The following ZNF735 variants were observed in gnomAD, a reference collection of about 807,000 sequenced individuals.
ZNF735 encodes the protein putative zinc finger protein 735.
A neutral mutation model predicts 13.4 loss-of-function variants in ZNF735; 11 were observed. That is an observed-to-expected ratio of 0.82 (90% CI 0.52 to 1.36). ZNF735 has a LOEUF of 1.36. Among genes scored for constraint, ZNF735 ranks in the 40% most tolerant of loss-of-function variants. The probability of loss-of-function intolerance (pLI) is 0.00; values close to 1 mark genes in which losing one functional copy is unlikely to be tolerated. For synonymous variants in ZNF735, 171 were observed against 162.6 expected (o/e 1.05, Z -0.39); for missense variants, 500 against 484.6 (o/e 1.03, Z -0.30).
At chr7:64,211,365 C>A (rs920005571) in intron 1 of ZNF735, among the ~76,000 whole-genome samples, 1 of 152,148 alleles carries the variant, frequency 6.6e-6, no homozygotes, top group Admixed American at 6.5e-5. Context: ...CATCTGTGTG[C>A]TCTATTAGTT....
chr7:64,212,142 C>T lies in ZNF735; in HGVS notation c.40-950C>T, dbSNP rs894214895. On this transcript the variant is annotated intron_variant, in intron 1 of 3. Transcript: ENST00000429565. ...AGATTTACTAGCCGAAGTGCATAAA[C>T]GATCACATTTAATCTGGAAGCTGTC... Among the ~76,000 whole-genome samples the T allele has an allele frequency of 1.7e-4, 26 of 152,208 alleles. 1 individual carries two copies. The highest frequency in any genetic ancestry group is 3.2e-4 in the Non-Finnish European group (22 of 68,010).
rs897092630 is a variant in ZNF735, at chr7:64,213,927, C to G, written c.167-86C>G. The stretch of plus-strand genomic sequence containing the variant: ...TGAGCTGAGATCATGCCACTGCACT[C>G]CAGCCTGAGCGACAGAGTGAGACTC... On this transcript the variant is annotated intron_variant, in intron 2 of 3. Transcript: ENST00000429565. The G allele has an allele frequency of 4.7e-6, 6 of 1,285,486 alleles. No homozygotes were observed. In the African/African-American group the frequency reaches 9.1e-5, roughly 20 times the overall value. 79.6% of individuals were successfully genotyped at this position (1,285,486 alleles called of 1,614,324 possible). A position where few individuals can be genotyped will look rare whatever the true frequency, so the allele number is the denominator to read the frequency against.
chr7:64,214,965 T>A (rs1787402447), intron 3 of ZNF735, among the ~76,000 whole-genome samples: 1 of 152,156 alleles, frequency 6.6e-6, no homozygotes, highest in Admixed American at 6.5e-5. Flanking sequence ...TTTTGCATTT[T>A]TCTATAAATT....
chr7:64,210,672 G>C (rs113882421), intron 1 of ZNF735, among the ~76,000 whole-genome samples: 11,010 of 152,224 alleles, frequency 0.072, 664 homozygotes, highest in African/African-American at 0.16. Context: ...CTGTAAAGAA[G>C]ATTGCTGGAG....
chr7:64,208,249 T>TTTG (rs1562831231), intron 1 of ZNF735, among the ~76,000 whole-genome samples: 2 of 55,934 alleles, frequency 3.6e-5, no homozygotes, highest in Non-Finnish European at 7.3e-5. Context: ...TAAATGTTTT[T>TTTG]TTTTTTTTTT....
chr7:64,219,519 A>G, exon 4 of ZNF735: 4 of 1,605,816 alleles, frequency 2.5e-6, no homozygotes, highest in Non-Finnish European at 3.4e-6. Flanking sequence ...AAAACAAAAT[A>G]TTTCAGACTC....
chr7:64,208,244 GTTTTTTTTTTTTTTTTT>G (rs71060562), intron 1 of ZNF735, among the ~76,000 whole-genome samples: 45 of 93,090 alleles, frequency 4.8e-4, no homozygotes, highest in Admixed American at 6.3e-4. Context: ...TCCAATAAAT[GTTTTTTTTTTTTTTTTT>G]TTTTTTTTTT....
In ZNF735 at chr7:64,207,296, T is replaced by A. The variant is rs184442611; in HGVS notation, c.39+55T>A. 196 of 1,614,086 alleles carry A rather than the reference T, an allele frequency of 1.2e-4. No homozygotes were observed. The African/African-American group carries it at 2.3e-3, about 19-fold the overall frequency. The stretch of plus-strand genomic sequence containing the variant: ...GGGGTGGGAGGTGGTTGGAACCGGC[T>A]GAAAGTGGCTGCAGCAGGACCCATA... On this transcript the variant is annotated intron_variant, in intron 1 of 3. Transcript: ENST00000429565.
Position 64,216,041 on chromosome 7 carries a change from A to AAATTTTAGG in ZNF735, c.262+1933_262+1934insAATTTTAGG, listed in dbSNP as rs1432755444. Among the ~76,000 whole-genome samples the AAATTTTAGG allele has an allele frequency of 2.0e-5, 3 of 152,138 alleles. No homozygotes were observed. The East Asian group carries it at 5.8e-4, about 29-fold the overall frequency. On this transcript the variant is annotated intron_variant, in intron 3 of 3. Coordinates refer to ENST00000429565, the Ensembl canonical transcript of ZNF735. The stretch of plus-strand genomic sequence containing the variant: ...TCAAGCGTGGTGGCTCACACCTGTA[A>AAATTTTAGG]TCCCAGCACTTTGGGAGGCTGAGGC...
chr7:64,209,286 T>C (rs566505495), intron 1 of ZNF735, among the ~76,000 whole-genome samples: 1 of 152,184 alleles, frequency 6.6e-6, no homozygotes, highest in African/African-American at 2.4e-5. Context: ...TCTTTTTTCT[T>C]CATTACTCTA....
chr7:64,218,353 T>C (rs1787446185), intron 3 of ZNF735, among the ~76,000 whole-genome samples: 1 of 152,174 alleles, frequency 6.6e-6, no homozygotes. Flanking sequence ...CATTATCTTC[T>C]GGTTTGTGAT....
In ZNF735 at chr7:64,219,535, T is replaced by C. The variant is rs979870625; in HGVS notation, c.484T>C (p.Cys162Arg). The C allele has an allele frequency of 2.5e-6, 4 of 1,598,018 alleles. No homozygotes were observed. In the African/African-American group the frequency reaches 4.0e-5, roughly 16 times the overall value. The change falls in exon 4 of 4, where the codon TGT (cysteine) becomes CGT (arginine). Residue 162 changes from cysteine to arginine, a missense_variant. By Grantham distance (180) the Cys-to-Arg change is radical. Coordinates refer to ENST00000429565, the Ensembl canonical transcript of ZNF735. Reference sequence around the variant, plus strand: ...AAACAAAATATTTCAGACTCATAAATGTGTCAAAGTCTTCAGTAAATTTTC... The same window carrying C: ...AAACAAAATATTTCAGACTCATAAACGTGTCAAAGTCTTCAGTAAATTTTC...
exon 4 of ZNF735, chr7:64,219,514 A>G: frequency 6.2e-7 from 1 of 1,607,372 alleles, no homozygotes; most frequent in South Asian, 1.1e-5. Context: ...TACCCAAAAC[A>G]AAATATTTCA....
At chr7:64,210,913 T>C (rs1787352673) in intron 1 of ZNF735, among the ~76,000 whole-genome samples, 1 of 152,170 alleles carries the variant, frequency 6.6e-6, no homozygotes, top group Admixed American at 6.5e-5. Flanking sequence ...CAGAGCATCT[T>C]ACCTGAAAAT....
chr7:64,218,046 A>G (rs1238518513), intron 3 of ZNF735, among the ~76,000 whole-genome samples: 1 of 152,050 alleles, frequency 6.6e-6, no homozygotes, highest in Non-Finnish European at 1.5e-5. Context: ...TTTTCATATG[A>G]TCTTTTTTCA....
intron 3 of ZNF735, among the ~76,000 whole-genome samples, chr7:64,217,622 G>A (rs1452128870): frequency 6.6e-6 from 1 of 151,816 alleles, no homozygotes; most frequent in South Asian, 2.1e-4. Context: ...ATATGCATAT[G>A]CATATAGATA....
At chr7:64,210,492 A>T (rs1014326172) in intron 1 of ZNF735, among the ~76,000 whole-genome samples, 2 of 152,194 alleles carry the variant, frequency 1.3e-5, no homozygotes, top group African/African-American at 4.8e-5. Flanking sequence ...TGGATCCTGC[A>T]GAATCACTTT....
chr7:64,211,876 GA>G (rs1376268838), intron 1 of ZNF735, among the ~76,000 whole-genome samples: 3 of 86,118 alleles, frequency 3.5e-5, no homozygotes, highest in African/African-American at 1.4e-4. Flanking sequence ...AAAAAAAAAA[GA>G]AAAAAGAAAA....
intron 1 of ZNF735, among the ~76,000 whole-genome samples, chr7:64,209,778 T>G (rs1428262034): frequency 1.3e-5 from 2 of 152,208 alleles, no homozygotes; most frequent in Non-Finnish European, 2.9e-5. Flanking sequence ...TCTTTCTAAC[T>G]TTTTGATGTG....
Sources: gnomAD v4.1 joint callset for allele counts (sites outside exome capture counted in the v4.1 genomes callset) on GRCh38, gnomAD v4.1.1 for gene constraint, MANE v1.5 for transcripts, NCBI Gene and HGNC (gene_info 2026-07-23, HGNC 2026-07-21) for gene names.